The following DSTN variants were observed in gnomAD, a reference collection of about 807,000 sequenced individuals.
DSTN encodes the protein destrin.
DSTN carries 10 observed loss-of-function variants against 16.8 expected under a neutral mutation model. The observed-to-expected ratio is 0.60, with a 90% CI of 0.37 to 1.01. DSTN has a LOEUF of 1.01. DSTN is among the 50% of genes least tolerant of loss of function. DSTN has a pLI of 0.01. For missense variants in DSTN, 141 were observed against 196.7 expected (o/e 0.72, Z 1.69); for synonymous variants, 57 against 58.9 (o/e 0.97, Z 0.14).
intron 1 of DSTN, among the ~76,000 whole-genome samples, chr20:17,577,169 G>A (rs1035068665): frequency 1.3e-5 from 2 of 152,180 alleles, no homozygotes; most frequent in African/African-American, 2.4e-5. Flanking sequence ...TTATGTATAT[G>A]CAAATATTCC....
chr20:17,575,885 A>AT (rs1230768839), intron 1 of DSTN, among the ~76,000 whole-genome samples: 1 of 152,182 alleles, frequency 6.6e-6, no homozygotes, highest in Non-Finnish European at 1.5e-5. Flanking sequence ...TAGATTGTCC[A>AT]TGAAAGTCAT....
chr20:17,606,887 T>C, intron 3 of DSTN, 150 bp from the exon 4 acceptor site: 1 of 627,946 alleles, frequency 1.6e-6, no homozygotes, highest in Non-Finnish European at 2.7e-6. Context: ...TAGTTACAAT[T>C]ATTTTTTCTC....
intron 1 of DSTN, chr20:17,591,948 C>T: frequency 3.0e-6 from 3 of 985,400 alleles, no homozygotes; most frequent in Non-Finnish European, 3.6e-6. Flanking sequence ...AGTTCACCCA[C>T]TAGAGGCAAA....
In DSTN at chr20:17,601,065, T is replaced by C; in HGVS notation, c.311+20T>C. On this transcript the variant is annotated intron_variant, in intron 2 of 3. Transcript: ENST00000246069. ...TTTGTGGTAAGCATGTTAGAAATAT[T>C]GAGCCTCTGTAAAACTCATTTTGTT... 6.4e-7 allele frequency: 1 copy of C among 1,569,854 alleles called. No individual in the cohort carries two copies. The highest frequency in any genetic ancestry group is 8.6e-7 in the Non-Finnish European group (1 of 1,159,072).
chr20:17,594,720 T>TA (rs1280648450), intron 1 of DSTN, among the ~76,000 whole-genome samples: 1 of 152,202 alleles, frequency 6.6e-6, no homozygotes, highest in Non-Finnish European at 1.5e-5. Flanking sequence ...CTTGAGGAGT[T>TA]ACTGCAGTCC....
rs954706836 is a variant in DSTN, at chr20:17,578,901, C to T, written c.3+8690C>T. On this transcript the variant is annotated intron_variant, in intron 1 of 3. Coordinates refer to ENST00000246069, the MANE Select transcript of DSTN (RefSeq NM_006870.4). ...ACTTGGACTTGGGAGGTGCAGGTGG[C>T]AGTGAGCCAAGATCCCACCATTGCA... is the stretch of plus-strand genomic sequence containing the variant. Among the ~76,000 whole-genome samples the T allele has an allele frequency of 3.6e-5, 5 of 137,820 alleles. No homozygotes were observed. In the South Asian group the frequency reaches 1.1e-3, roughly 31 times the overall value. The allele number at this position is 137,820 out of a possible 152,430, so 90.4% of individuals were successfully genotyped here.
chr20:17,577,083 G>T (rs1443765151), intron 1 of DSTN, among the ~76,000 whole-genome samples: 2 of 152,256 alleles, frequency 1.3e-5, no homozygotes, highest in South Asian at 2.1e-4. Flanking sequence ...TAATTTTCAG[G>T]CTATGGGTAT....
At chr20:17,587,032 C>CA (rs200039695) in intron 1 of DSTN, among the ~76,000 whole-genome samples, 4,609 of 152,078 alleles carry the variant, frequency 0.03, 206 homozygotes, top group African/African-American at 0.1. Context: ...TATATATATT[C>CA]AGTATTTGAC....
intron 1 of DSTN, among the ~76,000 whole-genome samples, chr20:17,588,464 T>TA: frequency 6.6e-6 from 1 of 152,086 alleles, no homozygotes; most frequent in Non-Finnish European, 1.5e-5. Context: ...CTTGGCAAAA[T>TA]AAACTCTAAA....
intron 1 of DSTN, among the ~76,000 whole-genome samples, chr20:17,574,980 C>T (rs751401045): frequency 1.0e-4 from 15 of 148,146 alleles, no homozygotes; most frequent in African/African-American, 1.5e-4. Flanking sequence ...CCTCAGCCTG[C>T]GGAGTAGCTG....
At position 17,609,757 on chromosome 20, in the gene DSTN, G is replaced by A. The variant is rs905903376; in HGVS notation, c.*2611G>A. On this transcript the variant is annotated 3_prime_UTR_variant, in exon 4 of 4. Coordinates refer to ENST00000246069, the MANE Select transcript of DSTN (RefSeq NM_006870.4). ...AGCTGATTGGTCTACTGTTGGTCAG[G>A]AACAAAACTGCAAGTATACTCTGTT... 6.6e-6 allele frequency: 1 copy of A among 152,150 alleles called. No individual in the cohort carries two copies. The highest frequency in any genetic ancestry group is 1.5e-5 in the Non-Finnish European group (1 of 68,042). 9.4% of individuals were successfully genotyped at this position (152,150 alleles called of 1,614,324 possible). A position where few individuals can be genotyped will look rare whatever the true frequency, so the allele number is the denominator to read the frequency against.
chr20:17,584,129 T>C (rs997748978), intron 1 of DSTN, among the ~76,000 whole-genome samples: 2 of 152,192 alleles, frequency 1.3e-5, no homozygotes, highest in Non-Finnish European at 2.9e-5. Context: ...GAAAACCCAC[T>C]GAATTTACTA....
Position 17,583,735 on chromosome 20 carries a change from C to CTTTTTTTTTTTTTTTTTTTTTT in DSTN, c.3+13526_3+13547dup, listed in dbSNP as rs71192397. Among the ~76,000 whole-genome samples the CTTTTTTTTTTTTTTTTTTTTTT allele has an allele frequency of 1.2e-4, 9 of 72,492 alleles. 2 individuals are homozygous for CTTTTTTTTTTTTTTTTTTTTTT. Among genetic ancestry groups the CTTTTTTTTTTTTTTTTTTTTTT allele is most frequent in the East Asian group, 9.7e-4 (2 of 2,058 alleles). The allele number at this position is 72,492 out of a possible 152,430, so 47.6% of individuals were successfully genotyped here. On this transcript the variant is annotated intron_variant, in intron 1 of 3. Coordinates refer to ENST00000246069, the MANE Select transcript of DSTN (RefSeq NM_006870.4). Reference sequence around the variant, plus strand: ...ATGACTGCTAATGGGTTTGGAGTTTCTTTTTTTTTTTTTTTTTTTTTTTGA... The same window carrying CTTTTTTTTTTTTTTTTTTTTTT: ...ATGACTGCTAATGGGTTTGGAGTTTCTTTTTTTTTTTTTTTTTTTTTTTTTTTTTTTTTTTTTTTTTTTTTGA...
At chr20:17,574,849 C>T (rs369964883) in intron 1 of DSTN, among the ~76,000 whole-genome samples, 162 of 75,232 alleles carry the variant, frequency 2.2e-3, no homozygotes, top group Middle Eastern at 6.8e-3. Flanking sequence ...TCTTTCTTTT[C>T]TTTTTCTTTT....
chr20:17,573,462 CT>C (rs2035230787), intron 1 of DSTN, among the ~76,000 whole-genome samples: 1 of 151,842 alleles, frequency 6.6e-6, no homozygotes, highest in South Asian at 2.1e-4. Context: ...AATTTTTTGC[CT>C]TTTTTTGGTC....
intron 1 of DSTN, among the ~76,000 whole-genome samples, chr20:17,598,644 G>C (rs1013794964): frequency 6.6e-6 from 1 of 151,984 alleles, no homozygotes; most frequent in Non-Finnish European, 1.5e-5. Context: ...CTCTCATTCT[G>C]TTGGTTATCT....
At chr20:17,587,578 A>C (rs1262386563) in intron 1 of DSTN, among the ~76,000 whole-genome samples, 1 of 152,210 alleles carries the variant, frequency 6.6e-6, no homozygotes, top group Non-Finnish European at 1.5e-5. Context: ...AGAAATAGTT[A>C]ACCATAGTTA....
intron 1 of DSTN, among the ~76,000 whole-genome samples, chr20:17,598,610 C>T (rs112001984): frequency 0.016 from 2,470 of 151,988 alleles, 58 homozygotes; most frequent in African/African-American, 0.057. Flanking sequence ...CTGACAAGTT[C>T]CTTGTAGGAT....
At chr20:17,573,101 G>C (rs1332622737) in intron 1 of DSTN, among the ~76,000 whole-genome samples, 1 of 152,168 alleles carries the variant, frequency 6.6e-6, no homozygotes, top group African/African-American at 2.4e-5. Flanking sequence ...AACACAAAAC[G>C]GTGGGGTGGA....
Sources: allele counts gnomAD v4.1 joint callset (sites outside exome capture counted in the v4.1 genomes callset), GRCh38; gene constraint gnomAD v4.1.1; transcripts MANE v1.5; gene names NCBI Gene and HGNC (gene_info 2026-07-23, HGNC 2026-07-21).